Variants in UBA6 observed in about 807,000 individuals in gnomAD.
The protein encoded by UBA6 is ubiquitin-like modifier-activating enzyme 6.
A neutral mutation model predicts 148.3 loss-of-function variants in UBA6; 87 were observed. The ratio of observed to expected loss-of-function variants is 0.59; its 90% confidence interval spans 0.49 to 0.70. UBA6 has a LOEUF of 0.70. UBA6 is among the 30% of genes least tolerant of loss of function. The probability of loss-of-function intolerance (pLI) is 0.00; values close to 1 mark genes in which losing one functional copy is unlikely to be tolerated. For missense variants in UBA6, 1,186 were observed against 1,241.2 expected (o/e 0.96, Z 0.67); for synonymous variants, 376 against 401.0 (o/e 0.94, Z 0.75).
intron 19 of UBA6, among the ~76,000 whole-genome samples, chr4:67,636,572 T>C (rs1282039968): frequency 6.6e-6 from 1 of 152,230 alleles, no homozygotes; most frequent in Non-Finnish European, 1.5e-5. Flanking sequence ...TCATATTTTT[T>C]TGGTGGAGAC....
intron 1 of UBA6, among the ~76,000 whole-genome samples, chr4:67,698,361 T>C (rs1730889099): frequency 6.6e-6 from 1 of 152,188 alleles, no homozygotes; most frequent in Admixed American, 6.5e-5. Flanking sequence ...GTATTCCAAA[T>C]ACCTAAAACA....
chr4:67,644,651 C>A, intron 17 of UBA6, 47 bp downstream of exon 17: 1 of 1,094,848 alleles, frequency 9.1e-7, no homozygotes, highest in South Asian at 1.3e-5. Context: ...TGAAAAAGGG[C>A]AACAACAGAA....
intron 17 of UBA6, among the ~76,000 whole-genome samples, chr4:67,643,219 TA>T (rs914961220): frequency 2.8e-4 from 43 of 151,720 alleles, no homozygotes; most frequent in African/African-American, 8.2e-4. Context: ...AAAATAAAAT[TA>T]AAAAAAATTC....
At position 67,616,624 on chromosome 4, in the gene UBA6, A is replaced by T. The variant is rs1379398500; in HGVS notation, c.*2373T>A. 1 of 152,252 alleles carries T rather than the reference A, an allele frequency of 6.6e-6. No homozygotes were observed. Among genetic ancestry groups the T allele is most frequent in the South Asian group, 2.1e-4 (1 of 4,822 alleles). 9.4% of individuals were successfully genotyped at this position (152,252 alleles called of 1,614,324 possible). On this transcript the variant is annotated 3_prime_UTR_variant, in exon 33 of 33. Coordinates refer to ENST00000322244, the MANE Select transcript of UBA6 (RefSeq NM_018227.6). ...GACTATTTCTCTCCAACTGTTTTAA[A>T]AGAATTTCCTGGAGCCATCTGAGGA...
chr4:67,630,635 T>A, intron 25 of UBA6, 100 bp from the exon 26 acceptor site: 1 of 724,286 alleles, frequency 1.4e-6, no homozygotes, highest in Non-Finnish European at 2.1e-6. Flanking sequence ...TTTGAAGAAA[T>A]ATAACCACAG....
chr4:67,662,835 T>A lies in UBA6; in HGVS notation c.1037+304A>T, dbSNP rs140177096. ...ACTCTGACTTAACAGGATATAAAGTTAAAAAAAAAATTACTATGTGTTAAT... is the reference window on the plus strand; with the variant it reads ...ACTCTGACTTAACAGGATATAAAGTAAAAAAAAAAATTACTATGTGTTAAT... On this transcript the variant is annotated intron_variant, in intron 12 of 32. Transcript: ENST00000322244. 9.2e-3 allele frequency: 2,057 copies of A among 222,750 alleles called. 39 individuals are homozygous for A. Among genetic ancestry groups the A allele is most frequent in the African/African-American group, 0.042 (1,803 of 43,222 alleles). The allele number at this position is 222,750 out of a possible 1,614,324, so 13.8% of individuals were successfully genotyped here. A position where few individuals can be genotyped will look rare whatever the true frequency, so the allele number is the denominator to read the frequency against.
At chr4:67,626,254 A>G (rs1020077403) in intron 28 of UBA6, 106 bp downstream of exon 28, 2 of 699,618 alleles carry the variant, frequency 2.9e-6, no homozygotes, top group African/African-American at 1.8e-5. Context: ...CAATATTGTC[A>G]TCATTATTAT....
Position 67,670,692 on chromosome 4 carries a change from T to A in UBA6, c.547-100A>T, listed in dbSNP as rs1577827468. The A allele has an allele frequency of 6.9e-6, 6 of 875,168 alleles. No homozygotes were observed. In the East Asian group the frequency reaches 1.5e-4, roughly 22 times the overall value. The allele number at this position is 875,168 out of a possible 1,614,324, so 54.2% of individuals were successfully genotyped here. ...TAACAATTTAATTTATAATTAAGTA[T>A]ACCTTACACAACCTATAGAATACAA... On this transcript the variant is annotated intron_variant, in intron 7 of 32. Transcript: ENST00000322244.
At chr4:67,635,341 T>A in intron 20 of UBA6, 112 bp downstream of exon 20, 1 of 637,840 alleles carries the variant, frequency 1.6e-6, no homozygotes, top group Non-Finnish European at 2.7e-6. Context: ...TGTATGAACA[T>A]CATTGGCAGA....
At chr4:67,648,722 A>G (rs766353909) in intron 14 of UBA6, among the ~76,000 whole-genome samples, 2 of 152,160 alleles carry the variant, frequency 1.3e-5, no homozygotes, top group Admixed American at 6.5e-5. Flanking sequence ...TCATGATAGT[A>G]AAAGATTCCA....
In UBA6 at chr4:67,643,733, A is replaced by G. The variant is rs1219980912; in HGVS notation, c.1476+965T>C. Among the ~76,000 whole-genome samples, 11 of 152,154 alleles carry G rather than the reference A, an allele frequency of 7.2e-5. No individual in the cohort carries two copies. In the Middle Eastern group the frequency reaches 0.01, roughly 141 times the overall value. On this transcript the variant is annotated intron_variant, in intron 17 of 32. Coordinates refer to ENST00000322244, the MANE Select transcript of UBA6 (RefSeq NM_018227.6). Reference sequence around the variant, plus strand: ...TATACAGTAAGTCTGTGTTTCCAGTAGTATAGAAGCATGTCCACATTAACT... The same window carrying G: ...TATACAGTAAGTCTGTGTTTCCAGTGGTATAGAAGCATGTCCACATTAACT...
At position 67,665,210 on chromosome 4, in the gene UBA6, C is replaced by T. The variant is rs1298721250; in HGVS notation, c.876G>A (p.Lys292=). 2 of 1,595,076 alleles carry T rather than the reference C, an allele frequency of 1.3e-6. No homozygotes were observed. Among genetic ancestry groups the T allele is most frequent in the East Asian group, 4.5e-5 (2 of 44,500 alleles). Residue 292 remains lysine (K), a synonymous_variant, in exon 10 of 33, where the codon AAG becomes AAA. Transcript: ENST00000322244. The part of the protein sequence containing the change: ...YLHGGIAVQV[K]TPKTVFFESL... Reference sequence around the variant, plus strand: ...TTACAAAAAAAACTGTTTTAGGAGTCTTAACTTGGACAGCTATGCCTCCAT... The same window carrying T: ...TTACAAAAAAAACTGTTTTAGGAGTTTTAACTTGGACAGCTATGCCTCCAT...
chr4:67,686,226 A>G (rs1730555188), intron 2 of UBA6, among the ~76,000 whole-genome samples: 1 of 152,160 alleles, frequency 6.6e-6, no homozygotes, highest in Non-Finnish European at 1.5e-5. Context: ...GCCATAGAGA[A>G]CTTGTCTAAA....
intron 30 of UBA6, 65 bp from the exon 31 acceptor site, chr4:67,623,287 C>T: frequency 7.9e-7 from 1 of 1,260,352 alleles, no homozygotes; most frequent in Non-Finnish European, 1.1e-6. Context: ...ATGACACACA[C>T]ACAAAAAAAA....
At chr4:67,653,351 T>C (rs2109923982) in intron 13 of UBA6, among the ~76,000 whole-genome samples, 1 of 152,180 alleles carries the variant, frequency 6.6e-6, no homozygotes, top group Admixed American at 6.5e-5. Flanking sequence ...GCAGCAATAT[T>C]TGCTGTTTTG....
At chr4:67,632,919 C>G (rs747536051) in intron 23 of UBA6, among the ~76,000 whole-genome samples, 11 of 152,038 alleles carry the variant, frequency 7.2e-5, no homozygotes, top group South Asian at 2.1e-4. Context: ...ATTCCAGCAA[C>G]TATATTTAAC....
intron 13 of UBA6, among the ~76,000 whole-genome samples, chr4:67,652,061 G>A (rs354873): frequency 0.88 from 134,533 of 152,142 alleles, 59,900 homozygotes; most frequent in East Asian, 0.99. Flanking sequence ...ACAAAAATAT[G>A]AATTGTCTAG....
intron 2 of UBA6, among the ~76,000 whole-genome samples, chr4:67,683,387 A>C (rs1730486047): frequency 1.3e-5 from 2 of 152,122 alleles, no homozygotes. Context: ...CTGGTCATTA[A>C]TATTCATTTA....
At position 67,614,879 on chromosome 4, in the gene UBA6, A is replaced by AAC. The variant is rs1728597050; in HGVS notation, c.*4116_*4117dup. On this transcript the variant is annotated 3_prime_UTR_variant, in exon 33 of 33. Coordinates refer to ENST00000322244, the MANE Select transcript of UBA6 (RefSeq NM_018227.6). ...GGAAAAAGATTAGCAACACAACAAA[A>AAC]ACGTGTGGCAGTCCTGACAAGATAC... The AAC allele has an allele frequency of 4.1e-5, 1 of 24,240 alleles. No homozygotes were observed. The highest frequency in any genetic ancestry group is 2.6e-3 in the South Asian group (1 of 378). The allele number at this position is 24,240 out of a possible 1,614,324, so 1.5% of individuals were successfully genotyped here. A position where few individuals can be genotyped will look rare whatever the true frequency, so the allele number is the denominator to read the frequency against.
Sources: allele counts gnomAD v4.1 joint callset (sites outside exome capture counted in the v4.1 genomes callset), GRCh38; gene constraint gnomAD v4.1.1; transcripts MANE v1.5; gene names NCBI Gene and HGNC (gene_info 2026-07-23, HGNC 2026-07-21).